Variants in PDE7B observed in about 807,000 individuals in gnomAD.
The protein encoded by PDE7B is phosphodiesterase 7B.
In PDE7B, 29 loss-of-function variants were observed where a neutral mutation model predicts 56.2. The observed-to-expected ratio is 0.52, with a 90% CI of 0.38 to 0.70. PDE7B has a LOEUF of 0.70. Ranked by LOEUF, PDE7B falls within the 30% of genes least tolerant of loss-of-function variation. PDE7B has a pLI of 0.00. For missense variants in PDE7B, 490 were observed against 565.0 expected (o/e 0.87, Z 1.35); for synonymous variants, 197 against 196.9 (o/e 1.00, Z 0.00).
intron 2 of PDE7B, among the ~76,000 whole-genome samples, chr6:136,073,636 C>T (rs1369531780): frequency 6.6e-6 from 1 of 152,190 alleles, no homozygotes; most frequent in African/African-American, 2.4e-5. Flanking sequence ...TCTAACTTAA[C>T]TGCCTTTTAA....
chr6:136,142,698 T>C (rs2128446143), intron 3 of PDE7B, among the ~76,000 whole-genome samples: 1 of 152,326 alleles, frequency 6.6e-6, no homozygotes, highest in African/African-American at 2.4e-5. Flanking sequence ...CCCTTTACCA[T>C]TATGTAATGG....
chr6:135,982,836 C>A (rs961322897), intron 2 of PDE7B, among the ~76,000 whole-genome samples: 2 of 152,070 alleles, frequency 1.3e-5, no homozygotes, highest in Non-Finnish European at 2.9e-5. Context: ...ACTCATCACA[C>A]CCTGTCACAG....
intron 2 of PDE7B, among the ~76,000 whole-genome samples, chr6:136,107,210 G>A (rs1777660216): frequency 6.6e-6 from 1 of 152,162 alleles, no homozygotes; most frequent in Non-Finnish European, 1.5e-5. Flanking sequence ...CAGGAATTAG[G>A]AAAGGAAGGA....
At chr6:136,132,391 C>A (rs1373645575) in intron 3 of PDE7B, among the ~76,000 whole-genome samples, 1 of 152,098 alleles carries the variant, frequency 6.6e-6, no homozygotes, top group African/African-American at 2.4e-5. Context: ...TTTGCCCTTT[C>A]CTGTAAAGAG....
At chr6:135,865,656 TGGAGAG>T (rs1775243191) in intron 1 of PDE7B, among the ~76,000 whole-genome samples, 2 of 146,426 alleles carry the variant, frequency 1.4e-5, no homozygotes, top group Non-Finnish European at 3.0e-5. Context: ...TGTGTATGTG[TGGAGAG>T]AGAGAGAGAG....
intron 3 of PDE7B, among the ~76,000 whole-genome samples, chr6:136,138,178 C>A (rs953910101): frequency 6.6e-5 from 10 of 152,044 alleles, no homozygotes; most frequent in Non-Finnish European, 1.2e-4. Context: ...AGGAATTTAG[C>A]GAGCTATCTG....
chr6:136,035,887 T>C (rs531618885), intron 2 of PDE7B, among the ~76,000 whole-genome samples: 3 of 152,238 alleles, frequency 2.0e-5, no homozygotes, highest in Non-Finnish European at 4.4e-5. Flanking sequence ...GTATGTGATA[T>C]ATGATATCAC....
chr6:136,135,279 G>GT (rs201834941), intron 3 of PDE7B, among the ~76,000 whole-genome samples: 206 of 152,018 alleles, frequency 1.4e-3, no homozygotes, highest in African/African-American at 4.7e-3. Flanking sequence ...TTTGGTTTAG[G>GT]TTTTTTCTCC....
chr6:136,096,663 A>C (rs1777475373), intron 2 of PDE7B, among the ~76,000 whole-genome samples: 1 of 151,810 alleles, frequency 6.6e-6, no homozygotes, highest in African/African-American at 2.4e-5. Flanking sequence ...TATTTTTAGA[A>C]ATTACTATTA....
At chr6:136,119,086 C>T (rs373631229) in intron 3 of PDE7B, among the ~76,000 whole-genome samples, 48 of 152,278 alleles carry the variant, frequency 3.2e-4, no homozygotes, top group South Asian at 1.9e-3. Context: ...GCTATTGTGA[C>T]AAATTAAAGT....
intron 3 of PDE7B, among the ~76,000 whole-genome samples, chr6:136,116,421 C>G (rs1777832236): frequency 6.6e-6 from 1 of 152,206 alleles, no homozygotes; most frequent in South Asian, 2.1e-4. Flanking sequence ...AGAAAATTAA[C>G]TAACATCCAT....
intron 1 of PDE7B, among the ~76,000 whole-genome samples, chr6:135,906,467 T>C (rs1776107406): frequency 6.6e-6 from 1 of 152,166 alleles, no homozygotes; most frequent in Admixed American, 6.5e-5. Flanking sequence ...TGAACAGTCA[T>C]CATTTTACAC....
intron 8 of PDE7B, among the ~76,000 whole-genome samples, chr6:136,161,732 C>A (rs1778706817): frequency 6.6e-6 from 1 of 152,108 alleles, no homozygotes; most frequent in Non-Finnish European, 1.5e-5. Flanking sequence ...GACTCTTTTT[C>A]TTTTAACAGT....
chr6:136,148,470 A>AAGGCAGGCAGGCAGGCAGGCAGGCAGGC lies in PDE7B; in HGVS notation c.319-615_319-588dup, dbSNP rs71006787. Among the ~76,000 whole-genome samples, 363 of 129,956 alleles carry AAGGCAGGCAGGCAGGCAGGCAGGCAGGC rather than the reference A, an allele frequency of 2.8e-3. 2 individuals are homozygous for AAGGCAGGCAGGCAGGCAGGCAGGCAGGC. The highest frequency in any genetic ancestry group is 4.7e-3 in the African/African-American group (161 of 34,004). The allele number at this position is 129,956 out of a possible 152,430, so 85.3% of individuals were successfully genotyped here. A position where few individuals can be genotyped will look rare whatever the true frequency, so the allele number is the denominator to read the frequency against. On this transcript the variant is annotated intron_variant, in intron 4 of 12. Coordinates refer to ENST00000308191, the MANE Select transcript of PDE7B (RefSeq NM_018945.4). ...GTGGGAGGGAGGGAGGGAAGGAAGG[A>AAGGCAGGCAGGCAGGCAGGCAGGCAGGC]AGGCAGGCAGGCAGGCAGGCAGGCA...
chr6:135,983,844 C>T (rs972994677), intron 2 of PDE7B, among the ~76,000 whole-genome samples: 3 of 152,178 alleles, frequency 2.0e-5, no homozygotes, highest in Non-Finnish European at 2.9e-5. Context: ...CCCAGTGGCA[C>T]GAAAGGAAGA....
chr6:136,054,870 G>T (rs1379708894), intron 2 of PDE7B, among the ~76,000 whole-genome samples: 1 of 152,160 alleles, frequency 6.6e-6, no homozygotes, highest in African/African-American at 2.4e-5. Context: ...AGTGTGTGCA[G>T]GGGAACTACC....
At chr6:136,163,195 A>C (rs1220123123) in intron 8 of PDE7B, among the ~76,000 whole-genome samples, 1 of 152,212 alleles carries the variant, frequency 6.6e-6, no homozygotes, top group Admixed American at 6.5e-5. Flanking sequence ...CCCCTACAGA[A>C]ACTCATGCCT....
At chr6:136,066,324 G>C (rs1014042658) in intron 2 of PDE7B, among the ~76,000 whole-genome samples, 1 of 152,170 alleles carries the variant, frequency 6.6e-6, no homozygotes, top group African/African-American at 2.4e-5. Flanking sequence ...GGTCCTTTTA[G>C]AAGGCAAGAT....
intron 2 of PDE7B, among the ~76,000 whole-genome samples, chr6:135,989,055 T>C (rs1275671642): frequency 6.6e-6 from 1 of 152,184 alleles, no homozygotes; most frequent in African/African-American, 2.4e-5. Flanking sequence ...TATATAAAAA[T>C]TCATTTTCTC....
Sources: gnomAD v4.1 joint callset for allele counts (sites outside exome capture counted in the v4.1 genomes callset) on GRCh38, gnomAD v4.1.1 for gene constraint, MANE v1.5 for transcripts, NCBI Gene and HGNC (gene_info 2026-07-23, HGNC 2026-07-21) for gene names.